DENND1A: variants seen among roughly 807,000 people sequenced by gnomAD.
DENND1A encodes DENN domain containing 1A.
A neutral mutation model predicts 113.7 loss-of-function variants in DENND1A; 51 were observed. The observed-to-expected ratio is 0.45, with a 90% CI of 0.36 to 0.57. DENND1A has a LOEUF of 0.57. Among genes scored for constraint, DENND1A ranks in the 20% least tolerant of loss-of-function variants. DENND1A has a pLI of 0.00. For missense variants in DENND1A, 1,258 were observed against 1,395.9 expected, an observed-to-expected ratio of 0.90 and a Z score of 1.57; for synonymous variants, 565 against 570.8, an observed-to-expected ratio of 0.99 and a Z score of 0.14.
rs1027817794 is a variant in DENND1A at position 123,707,382 on chromosome 9, G to A, written c.303-30593C>T. On this transcript the variant is annotated intron_variant, in intron 5 of 23. Coordinates refer to ENST00000394215, the MANE Select transcript of DENND1A (RefSeq NM_001352964.2). ...GCACTCCAGCCTGGGGAACAAGAGC[G>A]TTAACTCCATCTCAAAAAGGAAAAA... is the stretch of plus-strand genomic sequence containing the variant. 6.0e-5 allele frequency among the ~76,000 whole-genome samples: 9 copies of A among 149,398 alleles called. 1 individual carries two copies. Among genetic ancestry groups the A allele is most frequent in the Non-Finnish European group, 1.0e-4 (7 of 67,530 alleles).
intron 2 of DENND1A, among the ~76,000 whole-genome samples, chr9:123,837,737 A>G (rs1310664475): frequency 6.6e-6 from 1 of 152,208 alleles, no homozygotes; most frequent in Non-Finnish European, 1.5e-5. Flanking sequence ...AAAAAAACTG[A>G]GAAAGTGGAG....
intron 5 of DENND1A, among the ~76,000 whole-genome samples, chr9:123,742,357 T>G (rs982363185): frequency 1.3e-5 from 2 of 152,190 alleles, no homozygotes; most frequent in Admixed American, 1.3e-4. Context: ...CTGAAGTCCA[T>G]GTCAACAGTT....
At chr9:123,534,422 C>A (rs1030830855) in intron 13 of DENND1A, among the ~76,000 whole-genome samples, 2 of 152,148 alleles carry the variant, frequency 1.3e-5, no homozygotes, top group Non-Finnish European at 2.9e-5. Context: ...TATTTCATCA[C>A]GTAAATATTA....
chr9:123,747,837 C>G (rs1285717232), intron 5 of DENND1A, among the ~76,000 whole-genome samples: 1 of 152,096 alleles, frequency 6.6e-6, no homozygotes, highest in African/African-American at 2.4e-5. Flanking sequence ...AACGTAAACT[C>G]AACACATTAT....
chr9:123,404,609 C>T (rs1166021808), intron 20 of DENND1A, among the ~76,000 whole-genome samples: 1 of 125,696 alleles, frequency 8.0e-6, no homozygotes, highest in Non-Finnish European at 1.7e-5. Flanking sequence ...CAGGCACACA[C>T]TCCACCTCCT....
At position 123,383,781 on chromosome 9, in the gene DENND1A, A is replaced by G. The variant is rs1217017803; in HGVS notation, c.1893T>C (p.Leu631=). 1.9e-6 allele frequency: 3 copies of G among 1,613,950 alleles called. No individual in the cohort carries two copies. In the African/African-American group the frequency reaches 4.0e-5, roughly 22 times the overall value. Residue 631 remains leucine (L), a synonymous_variant, in exon 23 of 24, where the codon CTT becomes CTC. Coordinates refer to ENST00000394215, the MANE Select transcript of DENND1A (RefSeq NM_001352964.2). ...APPDRAASID[L]LEDVFSNLDM... ...CCAGGTTGCTGAAGACGTCTTCCAG[A>G]AGGTCGATGCTGGCAGCCCGGTCAG...
At chr9:123,413,546 T>C (rs1458325910) in intron 19 of DENND1A, 10 of 985,336 alleles carry the variant, frequency 1.0e-5, no homozygotes, top group Non-Finnish European at 1.2e-5. Context: ...CCTGGGTCCC[T>C]GGTGCTCTGC....
At chr9:123,490,386 G>C (rs1248617565) in intron 13 of DENND1A, among the ~76,000 whole-genome samples, 8 of 152,284 alleles carry the variant, frequency 5.3e-5, no homozygotes, top group African/African-American at 1.7e-4. Context: ...AGGAGTTAGA[G>C]ACCAGCCTGG....
At chr9:123,598,734 G>A (rs547701563) in intron 11 of DENND1A, among the ~76,000 whole-genome samples, 1 of 152,178 alleles carries the variant, frequency 6.6e-6, no homozygotes, top group East Asian at 1.9e-4. Context: ...GGGATGGGTA[G>A]TGTGCATATG....
chr9:123,628,515 G>A (rs1185544719), intron 10 of DENND1A, among the ~76,000 whole-genome samples: 1 of 152,092 alleles, frequency 6.6e-6, no homozygotes, highest in Non-Finnish European at 1.5e-5. Flanking sequence ...CAGGGGAGGG[G>A]TCTGGAATGG....
intron 13 of DENND1A, among the ~76,000 whole-genome samples, chr9:123,495,000 C>T (rs769447740): frequency 2.0e-5 from 3 of 152,152 alleles, no homozygotes; most frequent in Non-Finnish European, 4.4e-5. Flanking sequence ...CCATGTTGCC[C>T]AGGCTGGTCT....
rs2042205763 is a variant in DENND1A, at chr9:123,380,206, G to A, written c.*1226C>T. 1 of 152,386 alleles carries A rather than the reference G, an allele frequency of 6.6e-6. No individual in the cohort carries two copies. The highest frequency in any genetic ancestry group is 6.5e-5 in the Admixed American group (1 of 15,286). 9.4% of individuals were successfully genotyped at this position (152,386 alleles called of 1,614,324 possible). A position where few individuals can be genotyped will look rare whatever the true frequency, so the allele number is the denominator to read the frequency against. On this transcript the variant is annotated 3_prime_UTR_variant, in exon 24 of 24. Coordinates refer to ENST00000394215, the MANE Select transcript of DENND1A (RefSeq NM_001352964.2). ...TCACAATTTCCTGCGTGTCTCAGATGGTTGTTTTCTTAAATGGTCGGGCCA... is the reference window on the plus strand; with the variant it reads ...TCACAATTTCCTGCGTGTCTCAGATAGTTGTTTTCTTAAATGGTCGGGCCA...
chr9:123,428,833 A>AG (rs1402832696), intron 19 of DENND1A, among the ~76,000 whole-genome samples: 2 of 152,246 alleles, frequency 1.3e-5, no homozygotes, highest in African/African-American at 4.8e-5. Context: ...ACAGCTATCA[A>AG]GGGAAGTGAA....
intron 2 of DENND1A, among the ~76,000 whole-genome samples, chr9:123,829,900 T>C (rs913477583): frequency 6.6e-6 from 1 of 152,068 alleles, no homozygotes; most frequent in African/African-American, 2.4e-5. Flanking sequence ...CTAAAGACAA[T>C]GCAAGAAAGG....
intron 2 of DENND1A, among the ~76,000 whole-genome samples, chr9:123,792,940 A>T (rs1422228635): frequency 1.3e-5 from 2 of 152,204 alleles, no homozygotes; most frequent in Non-Finnish European, 2.9e-5. Flanking sequence ...ATGAGTCTTA[A>T]ATCTGCTTGA....
chr9:123,537,063 T>G (rs2055843051), intron 13 of DENND1A, among the ~76,000 whole-genome samples: 1 of 152,170 alleles, frequency 6.6e-6, no homozygotes, highest in African/African-American at 2.4e-5. Flanking sequence ...CTGAGAGGTA[T>G]GCCCACAAAA....
intron 13 of DENND1A, among the ~76,000 whole-genome samples, chr9:123,498,403 T>A (rs1293099206): frequency 6.6e-6 from 1 of 152,220 alleles, no homozygotes; most frequent in Non-Finnish European, 1.5e-5. Context: ...TTGTCCAAGA[T>A]CACCAGCGTG....
chr9:123,401,766 C>T lies in DENND1A; in HGVS notation c.1631+1636G>A, dbSNP rs150115399. 1.1e-3 allele frequency: 1,840 copies of T among 1,613,166 alleles called. 9 individuals carry two copies. In the African/African-American group the frequency reaches 0.018, roughly 16 times the overall value. ...GACACCGGCTCTTTGGCACACACTG[C>T]GAAGTCAGCCCCTCTGCCCAGTCTG... On this transcript the variant is annotated intron_variant, in intron 21 of 23. Transcript: ENST00000394215.
intron 1 of DENND1A, among the ~76,000 whole-genome samples, chr9:123,918,836 T>C (rs1394720052): frequency 6.6e-6 from 1 of 152,102 alleles, no homozygotes; most frequent in African/African-American, 2.4e-5. Context: ...CAAAGAGAGA[T>C]AACCAGACAT....
Sources: allele counts gnomAD v4.1 joint callset (sites outside exome capture counted in the v4.1 genomes callset), GRCh38; gene constraint gnomAD v4.1.1; transcripts MANE v1.5; gene names NCBI Gene and HGNC (gene_info 2026-07-23, HGNC 2026-07-21).